XRCC4: variants seen among roughly 807,000 people sequenced by gnomAD.
XRCC4 encodes the protein DNA repair protein XRCC4.
XRCC4 carries 28 observed loss-of-function variants against 39.1 expected under a neutral mutation model. The ratio of observed to expected loss-of-function variants is 0.72; its 90% CI spans 0.53 to 0.98. XRCC4 has a LOEUF of 0.98. Among genes scored for constraint, XRCC4 ranks in the 50% least tolerant of loss-of-function variants. The pLI is 0.00. For synonymous variants in XRCC4, 123 were observed against 126.4 expected (o/e 0.97, Z 0.18); for missense variants, 350 against 376.4 (o/e 0.93, Z 0.58).
intron 3 of XRCC4, among the ~76,000 whole-genome samples, chr5:83,134,626 A>C (rs1747791273): frequency 6.6e-6 from 1 of 152,204 alleles, no homozygotes; most frequent in Non-Finnish European, 1.5e-5. Flanking sequence ...AATCAGCAGG[A>C]TCAGGGTGGG....
At chr5:83,086,208 C>T (rs920314297) in intron 1 of XRCC4, among the ~76,000 whole-genome samples, 11 of 152,200 alleles carry the variant, frequency 7.2e-5, no homozygotes, top group East Asian at 1.9e-4. Flanking sequence ...CATATAGTAG[C>T]GTACATTGTA....
At chr5:83,360,974 G>A in the XRCC4 span, among the ~76,000 whole-genome samples, 1 of 152,120 alleles carries the variant, frequency 6.6e-6, no homozygotes, top group Non-Finnish European at 1.5e-5. Context: ...CAGAAATCAG[G>A]TATTTTCTGG....
chr5:83,137,521 G>A (rs1747956749), intron 3 of XRCC4, among the ~76,000 whole-genome samples: 1 of 152,120 alleles, frequency 6.6e-6, no homozygotes, highest in South Asian at 2.1e-4. Context: ...ATAGCCAGGA[G>A]AATCATATTG....
At chr5:83,207,750 T>C (rs914773930) in intron 6 of XRCC4, among the ~76,000 whole-genome samples, 10 of 152,058 alleles carry the variant, frequency 6.6e-5, no homozygotes, top group African/African-American at 2.4e-4. Flanking sequence ...AGACAAAATA[T>C]GTTTTTAGTC....
At chr5:83,323,012 G>T (rs549174427) in intron 7 of XRCC4, among the ~76,000 whole-genome samples, 1 of 152,106 alleles carries the variant, frequency 6.6e-6, no homozygotes, top group African/African-American at 2.4e-5. Context: ...AATTGTTATA[G>T]TACAGCAAGA....
intron 1 of XRCC4, among the ~76,000 whole-genome samples, chr5:83,087,675 T>A (rs565768048): frequency 5.7e-4 from 85 of 149,532 alleles, no homozygotes; most frequent in East Asian, 9.8e-4. Context: ...AAAAAAAAAA[T>A]TTTTTTTTTC....
intron 3 of XRCC4, among the ~76,000 whole-genome samples, chr5:83,187,898 CTG>C (rs1750525589): frequency 6.6e-6 from 1 of 152,018 alleles, no homozygotes. Flanking sequence ...CTAGTGATGA[CTG>C]TATTGAACAG....
chr5:83,320,091 G>A (rs1337184007), intron 7 of XRCC4, among the ~76,000 whole-genome samples: 6 of 147,202 alleles, frequency 4.1e-5, no homozygotes, highest in Non-Finnish European at 9.0e-5. Flanking sequence ...ATCATTCTCA[G>A]TAAACTATCG....
At chr5:83,335,078 C>G (rs1450108684) in intron 7 of XRCC4, among the ~76,000 whole-genome samples, 1 of 151,886 alleles carries the variant, frequency 6.6e-6, no homozygotes, top group Non-Finnish European at 1.5e-5. Flanking sequence ...TCTCCTCTGT[C>G]CTGAAAATAC....
chr5:83,251,897 T>A (rs1753333806), intron 6 of XRCC4, among the ~76,000 whole-genome samples: 1 of 152,244 alleles, frequency 6.6e-6, no homozygotes, highest in East Asian at 1.9e-4. Flanking sequence ...CATTGACCTG[T>A]CTTGTAAGAT....
the XRCC4 span, among the ~76,000 whole-genome samples, chr5:83,371,398 T>C: frequency 6.6e-6 from 1 of 152,230 alleles, no homozygotes; most frequent in Non-Finnish European, 1.5e-5. Context: ...CTTTCTTTTT[T>C]ACTGTTCCAT....
intron 3 of XRCC4, among the ~76,000 whole-genome samples, chr5:83,184,719 A>G (rs1233150504): frequency 6.6e-6 from 1 of 152,110 alleles, no homozygotes; most frequent in African/African-American, 2.4e-5. Context: ...AACAGAATCT[A>G]CGCAACAGCA....
chr5:83,169,546 T>C (rs1297420001), intron 3 of XRCC4, among the ~76,000 whole-genome samples: 1 of 152,226 alleles, frequency 6.6e-6, no homozygotes, highest in Non-Finnish European at 1.5e-5. Flanking sequence ...GGACACGTTA[T>C]GTCATGGGCT....
chr5:83,261,870 G>A (rs930531137), intron 7 of XRCC4, among the ~76,000 whole-genome samples: 2 of 151,940 alleles, frequency 1.3e-5, no homozygotes, highest in East Asian at 3.9e-4. Flanking sequence ...CATGAGAAAA[G>A]TATTCATTTT....
intron 3 of XRCC4, among the ~76,000 whole-genome samples, chr5:83,150,519 GC>G (rs1269505135): frequency 2.0e-5 from 3 of 152,116 alleles, no homozygotes; most frequent in Admixed American, 6.5e-5. Context: ...AAGAAAAAAA[GC>G]TTGCTGAAAG....
intron 7 of XRCC4, among the ~76,000 whole-genome samples, chr5:83,333,480 G>T (rs2112174581): frequency 6.6e-6 from 1 of 152,082 alleles, no homozygotes; most frequent in East Asian, 1.9e-4. Flanking sequence ...TATTTTATGT[G>T]TAAGAAAGAG....
chr5:83,337,710 C>G (rs746570873), intron 7 of XRCC4, among the ~76,000 whole-genome samples: 1 of 152,184 alleles, frequency 6.6e-6, no homozygotes, highest in Non-Finnish European at 1.5e-5. Flanking sequence ...ACAGAAAATA[C>G]AAGCATAACA....
intron 3 of XRCC4, among the ~76,000 whole-genome samples, chr5:83,123,104 A>T (rs28745314): frequency 0.016 from 2,385 of 152,192 alleles, 60 homozygotes; most frequent in African/African-American, 0.054. Flanking sequence ...TTTTCTGTCT[A>T]CTTCTTTTAA....
the XRCC4 span, among the ~76,000 whole-genome samples, chr5:83,370,612 G>A: frequency 8.5e-4 from 130 of 152,174 alleles, no homozygotes; most frequent in African/African-American, 3.1e-3. Context: ...AGCCTACCTT[G>A]TTCCTACTTG....
Sources: gnomAD v4.1 joint callset for allele counts (sites outside exome capture counted in the v4.1 genomes callset) on GRCh38, gnomAD v4.1.1 for gene constraint, MANE v1.5 for transcripts, NCBI Gene and HGNC (gene_info 2026-07-23, HGNC 2026-07-21) for gene names.